CDH19: variants seen among roughly 807,000 people sequenced by gnomAD.
CDH19 encodes the protein cadherin 19.
Under a neutral mutation model 64.2 loss-of-function variants are expected in CDH19, and 67 were observed. That is an observed-to-expected ratio of 1.04 (90% CI 0.86 to 1.28). The LOEUF is 1.28. Among genes scored for constraint, CDH19 ranks in the 50% most tolerant of loss-of-function variants. The pLI, the probability that CDH19 is intolerant of heterozygous loss-of-function variation, is 0.00. For synonymous variants in CDH19, 346 were observed against 319.3 expected, an observed-to-expected ratio of 1.08 and a Z score of -0.89; for missense variants, 1,030 against 929.0, an observed-to-expected ratio of 1.11 and a Z score of -1.41.
intron 5 of CDH19, among the ~76,000 whole-genome samples, chr18:66,545,350 T>C (rs945919226): frequency 6.6e-6 from 1 of 151,986 alleles, no homozygotes; most frequent in African/African-American, 2.4e-5. Context: ...TTGTTCTTAA[T>C]CTTTCTTTAT....
intron 1 of CDH19, among the ~76,000 whole-genome samples, chr18:66,588,164 T>C (rs1473178153): frequency 1.3e-5 from 2 of 152,032 alleles, no homozygotes; most frequent in Non-Finnish European, 2.9e-5. Flanking sequence ...CACATCACGC[T>C]GGTTGTTCAT....
intron 3 of CDH19, among the ~76,000 whole-genome samples, chr18:66,562,312 T>C (rs1017759664): frequency 7.9e-5 from 12 of 151,190 alleles, no homozygotes; most frequent in Middle Eastern, 6.8e-3. Flanking sequence ...CTGGCAGTGA[T>C]GGGAGACAGT....
At position 66,588,035 on chromosome 18, in the gene CDH19, G is replaced by T. The variant is rs573217774; in HGVS notation, c.-112-15719C>A. 5.3e-5 allele frequency among the ~76,000 whole-genome samples: 8 copies of T among 152,278 alleles called. No individual in the cohort carries two copies. The South Asian group carries it at 1.7e-3, about 32-fold the overall frequency. On this transcript the variant is annotated intron_variant, in intron 1 of 11. Coordinates refer to ENST00000262150, the MANE Select transcript of CDH19 (RefSeq NM_021153.4). ...TTGAATTTCATTTCAGTGTAATATT[G>T]ATGAGAAAAAAGTTGATTCACTGCC...
intron 5 of CDH19, among the ~76,000 whole-genome samples, chr18:66,545,540 CTA>C: frequency 6.6e-6 from 1 of 152,144 alleles, no homozygotes; most frequent in East Asian, 1.9e-4. Flanking sequence ...TTAGGAAAGT[CTA>C]TCACCAATAT....
At chr18:66,509,460 ATTAT>A (rs1173872439) in intron 10 of CDH19, among the ~76,000 whole-genome samples, 3 of 151,846 alleles carry the variant, frequency 2.0e-5, no homozygotes, top group Non-Finnish European at 2.9e-5. Flanking sequence ...AATCAGATGA[ATTAT>A]TTAAATTATG....
At chr18:66,584,817 T>C (rs947246943) in intron 1 of CDH19, among the ~76,000 whole-genome samples, 1 of 152,126 alleles carries the variant, frequency 6.6e-6, no homozygotes, top group African/African-American at 2.4e-5. Flanking sequence ...TTTTCTAAAA[T>C]GTGTTTTTTC....
chr18:66,597,036 C>G (rs1988911909), intron 1 of CDH19, among the ~76,000 whole-genome samples: 1 of 137,176 alleles, frequency 7.3e-6, no homozygotes. Context: ...GAGCCGAGAT[C>G]CCGCCACTGC....
chr18:66,584,095 T>C (rs985596557), intron 1 of CDH19, among the ~76,000 whole-genome samples: 1 of 152,030 alleles, frequency 6.6e-6, no homozygotes, highest in Non-Finnish European at 1.5e-5. Context: ...ATATTTGCAA[T>C]CTATGCATCT....
rs989091848 is a variant in CDH19 at position 66,503,997 on chromosome 18, T to C, written c.*815A>G. On this transcript the variant is annotated 3_prime_UTR_variant, in exon 12 of 12. Transcript: ENST00000262150. The stretch of plus-strand genomic sequence containing the variant: ...ACTTAACCACAAAAACATTTTATTC[T>C]TACAGTGTGAAAGATGAAAATTGAG... The C allele has an allele frequency of 6.6e-6, 1 of 151,976 alleles. No individual in the cohort carries two copies. Among genetic ancestry groups the C allele is most frequent in the Non-Finnish European group, 1.5e-5 (1 of 67,912 alleles). The allele number at this position is 151,976 out of a possible 1,614,324, so 9.4% of individuals were successfully genotyped here.
chr18:66,537,648 C>T (rs1986726802), intron 7 of CDH19, among the ~76,000 whole-genome samples: 4 of 151,952 alleles, frequency 2.6e-5, no homozygotes, highest in African/African-American at 7.2e-5. Flanking sequence ...TTTTTTAATA[C>T]TTTCTTTCTG....
At chr18:66,531,553 C>A (rs1478048961) in intron 8 of CDH19, among the ~76,000 whole-genome samples, 2 of 152,118 alleles carry the variant, frequency 1.3e-5, no homozygotes, top group Admixed American at 6.5e-5. Flanking sequence ...GAGGTTGTGG[C>A]AGCAGTGAGC....
At chr18:66,521,693 G>T (rs1485882899) in intron 9 of CDH19, among the ~76,000 whole-genome samples, 1 of 150,150 alleles carries the variant, frequency 6.7e-6, no homozygotes, top group African/African-American at 2.5e-5. Flanking sequence ...TAATCACCAT[G>T]CCCAGCTAAT....
chr18:66,588,605 C>CATATATATATATAA (rs1263242803), intron 1 of CDH19, among the ~76,000 whole-genome samples: 6 of 116,734 alleles, frequency 5.1e-5, no homozygotes, highest in Admixed American at 8.9e-5. Flanking sequence ...TTTTACTAAT[C>CATATATATATATAA]ATATATATCT....
intron 9 of CDH19, among the ~76,000 whole-genome samples, chr18:66,529,269 T>A (rs773530310): frequency 6.6e-6 from 1 of 151,652 alleles, no homozygotes; most frequent in Non-Finnish European, 1.5e-5. Context: ...AACATTCTGG[T>A]GTATTTTCCC....
chr18:66,603,520 A>G (rs1326992026), intron 1 of CDH19, among the ~76,000 whole-genome samples: 2 of 151,684 alleles, frequency 1.3e-5, no homozygotes, highest in African/African-American at 4.8e-5. Flanking sequence ...TTTTTCTCAT[A>G]TACTTAATGA....
In CDH19 at chr18:66,573,456, T is replaced by C. The variant is rs187288607; in HGVS notation, c.-112-1140A>G. Among the ~76,000 whole-genome samples, 13 of 151,706 alleles carry C rather than the reference T, an allele frequency of 8.6e-5. No individual in the cohort carries two copies. In the East Asian group the frequency reaches 1.2e-3, roughly 14 times the overall value. On this transcript the variant is annotated intron_variant, in intron 1 of 11. Transcript: ENST00000262150. ...TCCCTTTAAGCAGATGTATTCCTTG[T>C]TAAAAGTTTACTTAATGAAGGTCAT...
rs763032146 is a variant in CDH19 at position 66,551,115 on chromosome 18, T to G, written c.754A>C (p.Asn252His). The G allele has an allele frequency of 5.6e-6, 9 of 1,598,046 alleles. No homozygotes were observed. Among genetic ancestry groups the G allele is most frequent in the South Asian group, 1.1e-5 (1 of 90,276 alleles). Residue 252 changes from asparagine (N) to histidine (H), a missense_variant, in exon 5 of 12, where the codon AAT becomes CAT. Physicochemically the swap from Asn to His is moderately conservative, Grantham distance 68. Transcript: ENST00000262150. ...TTACTTTCTTTAAATATAGGCTTAT[T>G]GTCATTAACATCTGAAAGTTTAATT... ...VLIKLSDVNDNKPIFKESLYR... is the reference protein window; with the variant it reads ...VLIKLSDVNDHKPIFKESLYR...
At chr18:66,542,760 C>T (rs902386550) in intron 7 of CDH19, among the ~76,000 whole-genome samples, 2 of 151,982 alleles carry the variant, frequency 1.3e-5, no homozygotes, top group Non-Finnish European at 2.9e-5. Context: ...ATATCCACGG[C>T]AGCATTAGAT....
intron 7 of CDH19, among the ~76,000 whole-genome samples, chr18:66,540,214 T>G (rs1986835852): frequency 6.6e-6 from 1 of 152,196 alleles, no homozygotes; most frequent in Admixed American, 6.5e-5. Context: ...GATCTAATCT[T>G]TTTATTTCCT....
Sources: allele counts gnomAD v4.1 joint callset (sites outside exome capture counted in the v4.1 genomes callset), GRCh38; gene constraint gnomAD v4.1.1; transcripts MANE v1.5; gene names NCBI Gene and HGNC (gene_info 2026-07-23, HGNC 2026-07-21).